Variants in TCN2 observed in about 807,000 individuals in gnomAD.
The protein encoded by TCN2 is transcobalamin 2.
A neutral mutation model predicts 48.6 loss-of-function variants in TCN2; 34 were observed. That is an observed-to-expected ratio of 0.70 (90% CI 0.53 to 0.93). The LOEUF (loss-of-function observed/expected upper bound fraction) is 0.93. Ranked by LOEUF, TCN2 falls within the 40% of genes least tolerant of loss-of-function variation. TCN2 has a pLI of 0.00. For synonymous variants in TCN2, 283 were observed against 212.5 expected (o/e 1.33, Z -2.89); for missense variants, 652 against 526.1 (o/e 1.24, Z -2.34).
chr22:30,611,662 C>G (rs1426246197), intron 2 of TCN2, among the ~76,000 whole-genome samples: 1 of 152,216 alleles, frequency 6.6e-6, no homozygotes, highest in East Asian at 1.9e-4. Flanking sequence ...CGTGTGCCAC[C>G]ATGCCCAGCT....
intron 7 of TCN2, among the ~76,000 whole-genome samples, chr22:30,619,575 G>A (rs7288627): frequency 0.11 from 17,241 of 152,116 alleles, 2,183 homozygotes; most frequent in African/African-American, 0.3. Flanking sequence ...GTTATCAGTG[G>A]GGAGTCCAGC....
rs1056772470 is a variant in TCN2, at chr22:30,622,986, C to T, written c.1125C>T (p.Ser375=). ...TCTGTAGATATGAAACACAGGCCTC[C>T]TTGTCAGGCCCCTACTTAACCTCCG... ...LGGFTYETQA[S]LSGPYLTSVM... Residue 375 remains serine, a synonymous_variant, in exon 8 of 9, where the codon TCC becomes TCT. Coordinates refer to ENST00000215838, the MANE Select transcript of TCN2 (RefSeq NM_000355.4). 9 of 1,614,104 alleles carry T rather than the reference C, an allele frequency of 5.6e-6. No individual in the cohort carries two copies. The highest frequency in any genetic ancestry group is 2.2e-5 in the South Asian group (2 of 91,082).
intron 8 of TCN2, among the ~76,000 whole-genome samples, chr22:30,623,715 GACACACATATATATGTATACATATA>G (rs2087735176): frequency 1.8e-4 from 19 of 103,010 alleles, no homozygotes; most frequent in Non-Finnish European, 3.0e-4. Flanking sequence ...TATATATACA[GACACACATATATATGTATACATATA>G]TATACACACA....
At chr22:30,625,774 C>CT (rs370730210) in intron 8 of TCN2, among the ~76,000 whole-genome samples, 11 of 152,136 alleles carry the variant, frequency 7.2e-5, no homozygotes, top group African/African-American at 2.7e-4. Context: ...TATAATGGCA[C>CT]TTTCCTATCC....
chr22:30,614,668 G>C (rs1012775308), intron 4 of TCN2, among the ~76,000 whole-genome samples, 167 bp downstream of exon 4: 13 of 152,214 alleles, frequency 8.5e-5, no homozygotes, highest in Non-Finnish European at 1.6e-4. Flanking sequence ...TGCTTCAGCT[G>C]TGAGCCAGCT....
intron 2 of TCN2, 105 bp from the exon 3 acceptor site, chr22:30,612,768 A>T (rs574492567): frequency 1.4e-6 from 2 of 1,436,866 alleles, no homozygotes; most frequent in African/African-American, 2.8e-5. Context: ...AAAGTTTCCC[A>T]CTGTTAAGAT....
At chr22:30,607,824 C>G (rs1036458318) in intron 1 of TCN2, among the ~76,000 whole-genome samples, 4 of 152,112 alleles carry the variant, frequency 2.6e-5, no homozygotes, top group African/African-American at 9.6e-5. Flanking sequence ...CTCAACAGTT[C>G]AAGGTCAGCC....
intron 7 of TCN2, among the ~76,000 whole-genome samples, chr22:30,620,280 C>T (rs545994778): frequency 4.6e-5 from 7 of 152,160 alleles, no homozygotes; most frequent in Non-Finnish European, 7.3e-5. Flanking sequence ...GGCGAAAGCC[C>T]GTCTCTACCA....
chr22:30,623,849 TACACATACATAC>T lies in TCN2; in HGVS notation c.1222+774_1222+785del, dbSNP rs1370832694. ...ACACACACATATACACACACATACATACACATACATACACACATATATACACACATATATACA... is the reference window on the plus strand; with the variant it reads ...ACACACACATATACACACACATACATACACATATATACACACATATATACA... On this transcript the variant is annotated intron_variant, in intron 8 of 8. Transcript: ENST00000215838. Among the ~76,000 whole-genome samples the T allele has an allele frequency of 5.3e-4, 18 of 34,186 alleles. 7 individuals are homozygous for T. Among genetic ancestry groups the T allele is most frequent in the African/African-American group, 1.6e-3 (7 of 4,280 alleles). The allele number at this position is 34,186 out of a possible 152,430, so 22.4% of individuals were successfully genotyped here. A position where few individuals can be genotyped will look rare whatever the true frequency, so the allele number is the denominator to read the frequency against.
Position 30,614,528 on chromosome 22 carries a change from C to T in TCN2, c.580+27C>T, listed in dbSNP as rs572492822. The T allele has an allele frequency of 5.0e-6, 8 of 1,613,730 alleles. No individual in the cohort carries two copies. The East Asian group carries it at 1.3e-4, about 27-fold the overall frequency. ...TGAGTAGGTCAGACCGTGCCAAGGC[C>T]AGGCTGGCACTCCCTCAGTCCCCAG... On this transcript the variant is annotated intron_variant, in intron 4 of 8. Coordinates refer to ENST00000215838, the MANE Select transcript of TCN2 (RefSeq NM_000355.4).
At chr22:30,623,296 CAA>C (rs11305698) in intron 8 of TCN2, 2,878 of 369,998 alleles carry the variant, frequency 7.8e-3, no homozygotes, top group East Asian at 0.011. Context: ...AGACAGATTA[CAA>C]AAAAAAAAAA....
At chr22:30,622,875 T>TG in intron 7 of TCN2, 93 bp from the exon 8 acceptor site, 2 of 1,336,650 alleles carry the variant, frequency 1.5e-6, no homozygotes, top group South Asian at 2.3e-5. Context: ...CCAAAGAGCT[T>TG]GGAAGGGATT....
At chr22:30,607,528 T>G in intron 1 of TCN2, 133 bp downstream of exon 1, 1 of 818,262 alleles carries the variant, frequency 1.2e-6, no homozygotes, top group South Asian at 1.7e-5. Context: ...ACCTCAGCAT[T>G]TAACACATCC....
chr22:30,624,080 A>ATTTT (rs201040176), intron 8 of TCN2, among the ~76,000 whole-genome samples: 1 of 41,350 alleles, frequency 2.4e-5, no homozygotes, highest in African/African-American at 2.3e-4. Context: ...ATATATATAT[A>ATTTT]TTTTTTTTTT....
chr22:30,618,545 T>TTTTAC (rs2145550375), intron 7 of TCN2, among the ~76,000 whole-genome samples: 1 of 152,074 alleles, frequency 6.6e-6, no homozygotes, highest in African/African-American at 2.4e-5. Context: ...AGAGACAGGG[T>TTTTAC]TTTACTATGT....
Position 30,627,018 on chromosome 22 carries a change from C to A in TCN2, c.*497C>A. On this transcript the variant is annotated 3_prime_UTR_variant, in exon 9 of 9. Coordinates refer to ENST00000215838, the MANE Select transcript of TCN2 (RefSeq NM_000355.4). Reference sequence around the variant, plus strand: ...AGACCTCAGCAGGGCTGCTCAGTGCCTGCCTCTGACAAAATTAAAGCATTG... The same window carrying A: ...AGACCTCAGCAGGGCTGCTCAGTGCATGCCTCTGACAAAATTAAAGCATTG... 5.0e-6 allele frequency: 1 copy of A among 200,688 alleles called. No individual in the cohort carries two copies. Among genetic ancestry groups the A allele is most frequent in the Non-Finnish European group, 1.0e-5 (1 of 96,480 alleles). The allele number at this position is 200,688 out of a possible 1,614,324, so 12.4% of individuals were successfully genotyped here.
At chr22:30,621,250 C>G (rs2087693365) in intron 7 of TCN2, among the ~76,000 whole-genome samples, 1 of 152,120 alleles carries the variant, frequency 6.6e-6, no homozygotes, top group Non-Finnish European at 1.5e-5. Context: ...ACCTCCGCCT[C>G]CTCAAGTGCT....
chr22:30,610,264 C>A, intron 1 of TCN2: 1 of 471,176 alleles, frequency 2.1e-6, no homozygotes, highest in South Asian at 1.5e-5. Flanking sequence ...ATTTTGAGAT[C>A]TGCATGGAGG....
At chr22:30,615,834 C>T (rs373121642) in intron 6 of TCN2, 47 bp downstream of exon 6, 39 of 1,608,700 alleles carry the variant, frequency 2.4e-5, no homozygotes, top group Non-Finnish European at 3.2e-5. Context: ...ATCTGCTGCG[C>T]ACCCATTGAC....
Sources: allele counts gnomAD v4.1 joint callset (sites outside exome capture counted in the v4.1 genomes callset), GRCh38; gene constraint gnomAD v4.1.1; transcripts MANE v1.5; gene names NCBI Gene and HGNC (gene_info 2026-07-23, HGNC 2026-07-21).